The following HNRNPU variants were observed in gnomAD, a reference collection of about 807,000 sequenced individuals.
HNRNPU encodes HNRNPU antisense RNA 1.
In HNRNPU, 5 loss-of-function variants were observed where a neutral mutation model predicts 94.7. The observed-to-expected ratio is 0.05, with a 90% CI of 0.03 to 0.11. The LOEUF (loss-of-function observed/expected upper bound fraction) is 0.11, where lower values mean the gene tolerates loss of function less well. Among genes scored for constraint, HNRNPU ranks in the 10% least tolerant of loss-of-function variants. HNRNPU has a pLI of 1.00. For synonymous variants in HNRNPU, 434 were observed against 381.6 expected (o/e 1.14, Z -1.60); for missense variants, 710 against 1,049.2 (o/e 0.68, Z 4.47).
Position 244,864,145 on chromosome 1 carries a change from G to C in HNRNPU, c.163C>G (p.Pro55Ala). 1 of 1,603,894 alleles carries C rather than the reference G, an allele frequency of 6.2e-7. No individual in the cohort carries two copies. The change falls in exon 1 of 14, where the codon CCC becomes GCC. Residue 55 changes from proline (P) to alanine (A), a missense_variant. This residue lies in a region of HNRNPU where 292 missense variants were observed against 293.4 expected (regional missense o/e 1.00). Transcript: ENST00000640218. ...CCCAGGTCTAGGCTGCCGTTCCCGG[G>C]CTCCATGGCGGGGCGGCCCCCGGCC... ...EEAGGRPAMEPGNGSLDLGGD... is the reference protein window; with the variant it reads ...EEAGGRPAMEAGNGSLDLGGD...
At position 244,850,720 on chromosome 1, in the gene HNRNPU, G is replaced by GT. The variant is rs1193485348; in HGVS notation, c.*3729dup. 4 of 152,116 alleles carry GT rather than the reference G, an allele frequency of 2.6e-5. No homozygotes were observed. In the East Asian group the frequency reaches 7.7e-4, roughly 29 times the overall value. 9.4% of individuals were successfully genotyped at this position (152,116 alleles called of 1,614,324 possible). On this transcript the variant is annotated 3_prime_UTR_variant, in exon 14 of 14. Coordinates refer to ENST00000640218, the MANE Select transcript of HNRNPU (RefSeq NM_031844.3). ...GCAACCTATTGTCAGGCCTTAACAT[G>GT]TATGTGTTTGCTTTTATTATTACTA...
chr1:244,859,286 C>T lies in HNRNPU; in HGVS notation c.1106G>A (p.Gly369Glu). The T allele has an allele frequency of 3.2e-6, 5 of 1,552,790 alleles. No homozygotes were observed. Among genetic ancestry groups the T allele is most frequent in the Non-Finnish European group, 4.4e-6 (5 of 1,124,502 alleles). The change falls in exon 5 of 14, where the codon GGA (glycine) becomes GAA (glutamate). Residue 369 changes from glycine to glutamate, a missense_variant. Gly to Glu is a moderately conservative substitution (Grantham distance 98). Around this residue, in one of 8 missense-constraint regions of HNRNPU, gnomAD observed 150 missense variants for 187.9 expected, o/e 0.80. Transcript: ENST00000640218. The stretch of plus-strand genomic sequence containing the variant: ...AAAAGAAGCTTTACCAAGTAACATT[C>T]CACTTGTAGTTAGTGACCAGCCAAT... ...VRIGWSLTTS[G>E]MLLGEEEFSY... is the part of the protein sequence containing the mutation.
intron 11 of HNRNPU, 82 bp downstream of exon 11, chr1:244,855,822 G>T: frequency 6.6e-7 from 1 of 1,511,522 alleles, no homozygotes; most frequent in South Asian, 1.3e-5. Flanking sequence ...TAATGAGGAA[G>T]AAACTTCAGC....
In HNRNPU at chr1:244,863,857, C is replaced by T. The variant is rs570495195; in HGVS notation, c.451G>A (p.Gly151Ser). The T allele has an allele frequency of 6.2e-7, 1 of 1,613,504 alleles. No individual in the cohort carries two copies. Among genetic ancestry groups the T allele is most frequent in the Non-Finnish European group, 8.5e-7 (1 of 1,179,814 alleles). ...GEDELGDEEEGAGDENGHGEQ... is the reference protein window; with the variant it reads ...GEDELGDEEESAGDENGHGEQ... ...CCGTGCCCGTTCTCGTCGCCCGCGC[C>T]TTCCTCTTCGTCCCCGAGCTCATCT... is the stretch of plus-strand genomic sequence containing the variant. The change falls in exon 1 of 14, where the codon GGC (glycine) becomes AGC (serine). Residue 151 changes from glycine (G) to serine (S), a missense_variant. Gly to Ser is a moderately conservative substitution (Grantham distance 56). Coordinates refer to ENST00000640218, the MANE Select transcript of HNRNPU (RefSeq NM_031844.3).
rs759862936 is a variant in HNRNPU at position 244,857,722 on chromosome 1, TGAAAA to T, written c.1495-10_1495-6del. ...CAAGCCAATCATCATCACAACCTAG[TGAAAA>T]GAAAAGAAATGTCATTTCACTGTCA... On this transcript the variant is annotated splice_region_variant and splice_polypyrimidine_tract_variant and intron_variant, in intron 7 of 13. Transcript: ENST00000640218. The T allele has an allele frequency of 2.7e-5, 43 of 1,611,192 alleles. No homozygotes were observed. Among genetic ancestry groups the T allele is most frequent in the African/African-American group, 1.7e-4 (13 of 74,744 alleles).
rs1335894744 is a variant in HNRNPU at position 244,863,871 on chromosome 1, C to G, written c.437G>C (p.Gly146Ala). ...QGFQEGEDELGDEEEGAGDEN... is the reference protein window; with the variant it reads ...QGFQEGEDELADEEEGAGDEN... ...GTCGCCCGCGCCTTCCTCTTCGTCC[C>G]CGAGCTCATCTTCCCCTTCCTGGAA... Residue 146 changes from glycine to alanine, a missense_variant, in exon 1 of 14, where the codon GGG becomes GCG. Transcript: ENST00000640218. 1 of 1,613,658 alleles carries G rather than the reference C, an allele frequency of 6.2e-7. No individual in the cohort carries two copies. Among genetic ancestry groups the G allele is most frequent in the Admixed American group, 1.7e-5 (1 of 59,986 alleles).
rs1680621706 is a variant in HNRNPU, at chr1:244,854,314, C to G, written c.*136G>C. The G allele has an allele frequency of 3.0e-6, 2 of 677,366 alleles. No homozygotes were observed. The highest frequency in any genetic ancestry group is 5.3e-6 in the Non-Finnish European group (2 of 377,500). The allele number at this position is 677,366 out of a possible 1,614,324, so 42.0% of individuals were successfully genotyped here. A position where few individuals can be genotyped will look rare whatever the true frequency, so the allele number is the denominator to read the frequency against. ...AAAAAAGAAAAGAAAAAAAATCAAC[C>G]CACAAAGCTTCTAAAAAAGGAACCC... On this transcript the variant is annotated 3_prime_UTR_variant, in exon 14 of 14. Transcript: ENST00000640218.
chr1:244,857,830 C>T lies in HNRNPU; in HGVS notation c.1495-113G>A. 19 of 1,419,696 alleles carry T rather than the reference C, an allele frequency of 1.3e-5. No homozygotes were observed. The East Asian group carries it at 1.6e-4, about 12-fold the overall frequency. The allele number at this position is 1,419,696 out of a possible 1,614,324, so 87.9% of individuals were successfully genotyped here. On this transcript the variant is annotated intron_variant, in intron 7 of 13. Coordinates refer to ENST00000640218, the MANE Select transcript of HNRNPU (RefSeq NM_031844.3). Reference sequence around the variant, plus strand: ...TAAGTTTTCATAGCCCTTACACTAACGGACAAAAATTTGTTTATGGAAAGA... The same window carrying T: ...TAAGTTTTCATAGCCCTTACACTAATGGACAAAAATTTGTTTATGGAAAGA...
At chr1:244,857,778 A>C in intron 7 of HNRNPU, 61 bp from the exon 8 acceptor site, 1 of 1,563,678 alleles carries the variant, frequency 6.4e-7, no homozygotes, top group South Asian at 1.2e-5. Context: ...TAATTCTTTA[A>C]ATATTGTTAA....
In HNRNPU at chr1:244,854,254, T is replaced by TA; in HGVS notation, c.*195dup. On this transcript the variant is annotated 3_prime_UTR_variant, in exon 14 of 14. Coordinates refer to ENST00000640218, the MANE Select transcript of HNRNPU (RefSeq NM_031844.3). ...ATCGTGCACAATGCTGAGGTTCTCT[T>TA]ACGATTCACTTTTAAACTGCAATTA... The TA allele has an allele frequency of 5.2e-6, 3 of 577,708 alleles. No individual in the cohort carries two copies. In the South Asian group the frequency reaches 6.1e-5, roughly 12 times the overall value. 35.8% of individuals were successfully genotyped at this position (577,708 alleles called of 1,614,324 possible). A position where few individuals can be genotyped will look rare whatever the true frequency, so the allele number is the denominator to read the frequency against.
intron 11 of HNRNPU, 111 bp from the exon 12 acceptor site, chr1:244,855,719 CAAAAG>C (rs1680661661): frequency 7.4e-7 from 1 of 1,346,256 alleles, no homozygotes; most frequent in Admixed American, 2.3e-5. Flanking sequence ...TGTTTAAAGA[CAAAAG>C]AAATGTTTAA....
chr1:244,860,686 G>T, intron 3 of HNRNPU: 1 of 577,192 alleles, frequency 1.7e-6, no homozygotes, highest in Non-Finnish European at 3.1e-6. Flanking sequence ...AACTGCCTGT[G>T]AAACTAATAC....
chr1:244,863,071 C>G (rs1680886157), intron 1 of HNRNPU: 1 of 285,666 alleles, frequency 3.5e-6, no homozygotes, highest in Admixed American at 5.2e-5. Context: ...CGCGGGCCCG[C>G]GCTCCCCGCG....
chr1:244,851,662 G>GT lies in HNRNPU; in HGVS notation c.*2787dup, dbSNP rs1392091518. ...ATCTATCCTAGGCAAATGAGAGCTTGTTTTTATGTATTTAAGAGTTTCCTC... is the reference window on the plus strand; with the variant it reads ...ATCTATCCTAGGCAAATGAGAGCTTGTTTTTTATGTATTTAAGAGTTTCCTC... On this transcript the variant is annotated 3_prime_UTR_variant, in exon 14 of 14. Coordinates refer to ENST00000640218, the MANE Select transcript of HNRNPU (RefSeq NM_031844.3). 2.0e-5 allele frequency: 3 copies of GT among 152,126 alleles called. No individual in the cohort carries two copies. The highest frequency in any genetic ancestry group is 2.9e-5 in the Non-Finnish European group (2 of 68,018). 9.4% of individuals were successfully genotyped at this position (152,126 alleles called of 1,614,324 possible). A position where few individuals can be genotyped will look rare whatever the true frequency, so the allele number is the denominator to read the frequency against.
At position 244,864,247 on chromosome 1, in the gene HNRNPU, T is replaced by A. The variant is rs777663267; in HGVS notation, c.61A>T (p.Lys21Ter). Reference sequence around the variant, plus strand: ...CCCTTGTCAGAAAGGCGTCGCTTCTTGAGCTCCTCTTTCAGCTCCGACACC... The same window carrying A: ...CCCTTGTCAGAAAGGCGTCGCTTCTAGAGCTCCTCTTTCAGCTCCGACACC... ...LKVSELKEELKKRRLSDKGLK... is the reference protein window; with the variant it reads ...LKVSELKEEL Residue 21 changes from lysine to a stop codon, truncating the protein, a stop_gained, in exon 1 of 14, where the codon AAG becomes TAG. Transcript: ENST00000640218. LOFTEE classifies it high-confidence loss of function. 1 of 1,613,394 alleles carries A rather than the reference T, an allele frequency of 6.2e-7. No homozygotes were observed.
rs749262345 is a variant in HNRNPU at position 244,863,993 on chromosome 1, C to A, written c.315G>T (p.Glu105Asp). The change falls in exon 1 of 14, where the codon GAG (glutamate) becomes GAT (aspartate). Residue 105 changes from glutamate (E) to aspartate (D), a missense_variant. Physicochemically the swap from Glu to Asp is conservative, Grantham distance 45. This residue lies in a region of HNRNPU where 292 missense variants were observed against 293.4 expected (regional missense o/e 1.00). Coordinates refer to ENST00000640218, the MANE Select transcript of HNRNPU (RefSeq NM_031844.3). ...CCGCGGCCCCGTTCTCCTCTCCTAG[C>A]TCCATCTGGTCGCCGTCCAGAGCGG... ...GISALDGDQM[E>D]LGEENGAAGA... The A allele has an allele frequency of 1.2e-6, 2 of 1,613,750 alleles. No individual in the cohort carries two copies. The highest frequency in any genetic ancestry group is 2.2e-5 in the South Asian group (2 of 91,058).
intron 7 of HNRNPU, 145 bp from the exon 8 acceptor site, chr1:244,857,862 G>A (rs1274370014): frequency 1.1e-5 from 15 of 1,304,788 alleles, no homozygotes; most frequent in Middle Eastern, 1.9e-4. Context: ...AAGATTAACA[G>A]TCAACATAAG....
rs748156139 is a variant in HNRNPU, at chr1:244,863,779, G to C, written c.529C>G (p.Arg177Gly). Residue 177 changes from arginine (R) to glycine (G), a missense_variant, in exon 1 of 14, where the codon CGC becomes GGC. This residue lies in a region of HNRNPU where 292 missense variants were observed against 293.4 expected (regional missense o/e 1.00). Transcript: ENST00000640218. ...CCCGCGGCCTCCTTGGCGGCCCCGC[G>C]CTGCTGTTGGGGCTGTTGCTGCTGC... is the stretch of plus-strand genomic sequence containing the variant. ...ATQQQQPQQQ[R>G]GAAKEAAGKS... 1 of 1,598,848 alleles carries C rather than the reference G, an allele frequency of 6.3e-7. No individual in the cohort carries two copies. The highest frequency in any genetic ancestry group is 8.5e-7 in the Non-Finnish European group (1 of 1,174,902).
chr1:244,857,170 T>C (rs1307838294), intron 8 of HNRNPU: 1 of 257,500 alleles, frequency 3.9e-6, no homozygotes, highest in African/African-American at 2.2e-5. Flanking sequence ...CCCATCTCTT[T>C]AAGATACTAA....
Sources: allele counts gnomAD v4.1 joint callset, GRCh38; gene constraint gnomAD v4.1.1; regional missense constraint gnomAD v4.1.1; transcripts MANE v1.5; gene names NCBI Gene and HGNC (gene_info 2026-07-23, HGNC 2026-07-21).